Variants in GNG12 observed in about 807,000 individuals in gnomAD.
GNG12 encodes the protein guanine nucleotide-binding protein G(I)/G(S)/G(O) subunit gamma-12.
For synonymous variants in GNG12, 28 were observed against 29.7 expected, an observed-to-expected ratio of 0.94 and a Z score of 0.19; for missense variants, 69 against 83.8, an observed-to-expected ratio of 0.82 and a Z score of 0.69.
At chr1:67,777,410 C>G in intron 2 of GNG12, 48 bp downstream of exon 2, 1 of 461,220 alleles carries the variant, frequency 2.2e-6, no homozygotes, top group Non-Finnish European at 2.8e-6. Flanking sequence ...AATATCATCT[C>G]AAAAATAAAG....
chr1:67,746,024 T>A (rs931405878), intron 2 of GNG12, among the ~76,000 whole-genome samples: 1 of 152,200 alleles, frequency 6.6e-6, no homozygotes, highest in Non-Finnish European at 1.5e-5. Context: ...TACCTAAAGA[T>A]ATTAATGAAA....
intron 1 of GNG12, among the ~76,000 whole-genome samples, chr1:67,788,407 A>G (rs896725153): frequency 2.0e-5 from 3 of 152,116 alleles, no homozygotes; most frequent in Non-Finnish European, 2.9e-5. Flanking sequence ...ATCAGGTCAC[A>G]GTTCCCTGCA....
At chr1:67,796,880 CAGG>C (rs894924670) in intron 1 of GNG12, among the ~76,000 whole-genome samples, 2 of 152,160 alleles carry the variant, frequency 1.3e-5, no homozygotes, top group Non-Finnish European at 2.9e-5. Flanking sequence ...GTTAGGGCCT[CAGG>C]AGGCTTCCAC....
chr1:67,733,354 G>T (rs1217586447), intron 2 of GNG12, among the ~76,000 whole-genome samples: 1 of 152,076 alleles, frequency 6.6e-6, no homozygotes, highest in Non-Finnish European at 1.5e-5. Context: ...CACTCTAAAG[G>T]GGTAACTATT....
At chr1:67,815,927 G>C (rs530457558) in intron 1 of GNG12, among the ~76,000 whole-genome samples, 1 of 152,280 alleles carries the variant, frequency 6.6e-6, no homozygotes, top group East Asian at 1.9e-4. Context: ...CTCCTGCCTT[G>C]ACCATGCCCT....
intron 2 of GNG12, among the ~76,000 whole-genome samples, chr1:67,747,400 G>A (rs758298505): frequency 6.6e-6 from 1 of 152,198 alleles, no homozygotes; most frequent in African/African-American, 2.4e-5. Flanking sequence ...GATTACAGGC[G>A]TGAGCCACCG....
chr1:67,824,570 A>C (rs1647001406), intron 1 of GNG12, among the ~76,000 whole-genome samples: 1 of 151,642 alleles, frequency 6.6e-6, no homozygotes, highest in African/African-American at 2.4e-5. Context: ...GAATTCTTGT[A>C]AGAAATTGTC....
intron 2 of GNG12, among the ~76,000 whole-genome samples, chr1:67,757,544 G>A (rs12121525): frequency 0.074 from 11,323 of 152,138 alleles, 449 homozygotes; most frequent in African/African-American, 0.089. Flanking sequence ...ACCAAAGACC[G>A]ACATGGCTGG....
intron 2 of GNG12, among the ~76,000 whole-genome samples, chr1:67,731,622 T>C (rs1325114589): frequency 2.6e-5 from 4 of 152,184 alleles, no homozygotes. Flanking sequence ...AGAGGCACCA[T>C]GAAGATCTGG....
chr1:67,810,041 T>C (rs865866204), intron 1 of GNG12, among the ~76,000 whole-genome samples: 1 of 152,126 alleles, frequency 6.6e-6, no homozygotes, highest in Non-Finnish European at 1.5e-5. Flanking sequence ...AGTCAGTGGG[T>C]AAATAAACTT....
chr1:67,730,133 C>T (rs1382881734), intron 2 of GNG12, among the ~76,000 whole-genome samples: 1 of 152,130 alleles, frequency 6.6e-6, no homozygotes, highest in African/African-American at 2.4e-5. Flanking sequence ...TGGCAATGAA[C>T]AACCTTTAAA....
At chr1:67,753,737 A>G (rs1386243427) in intron 2 of GNG12, among the ~76,000 whole-genome samples, 2 of 152,168 alleles carry the variant, frequency 1.3e-5, no homozygotes, top group Non-Finnish European at 2.9e-5. Context: ...TCAGTGGTGA[A>G]TAAAGATCTT....
chr1:67,709,826 A>AAATATATATATATTTGTATATATATT (rs2100670873), intron 2 of GNG12, among the ~76,000 whole-genome samples: 1 of 130,236 alleles, frequency 7.7e-6, no homozygotes, highest in Non-Finnish European at 1.6e-5. Context: ...ATATATATAT[A>AAATATATATATATTTGTATATATATT]AATATATATA....
chr1:67,798,684 G>A (rs755827260), intron 1 of GNG12, among the ~76,000 whole-genome samples: 12 of 151,966 alleles, frequency 7.9e-5, no homozygotes, highest in Middle Eastern at 3.2e-3. Flanking sequence ...GGCTGGGCAC[G>A]GTGACCCACG....
At chr1:67,830,293 C>T (rs1647035740) in intron 1 of GNG12, among the ~76,000 whole-genome samples, 1 of 152,180 alleles carries the variant, frequency 6.6e-6, no homozygotes, top group Admixed American at 6.5e-5. Flanking sequence ...GTGTGAGCCA[C>T]AGCGCCTGGC....
chr1:67,825,802 C>A (rs1239182651), intron 1 of GNG12, among the ~76,000 whole-genome samples: 1 of 152,194 alleles, frequency 6.6e-6, no homozygotes, highest in Admixed American at 6.5e-5. Flanking sequence ...CTGCACCAGG[C>A]CAACTACACA....
chr1:67,747,399 C>T (rs1350094847), intron 2 of GNG12, among the ~76,000 whole-genome samples: 6 of 152,196 alleles, frequency 3.9e-5, no homozygotes, highest in Admixed American at 6.5e-5. Flanking sequence ...GGATTACAGG[C>T]GTGAGCCACC....
At chr1:67,710,037 G>T in intron 2 of GNG12, among the ~76,000 whole-genome samples, 12 of 31,232 alleles carry the variant, frequency 3.8e-4, no homozygotes, top group South Asian at 1.1e-3. Context: ...TATATATATA[G>T]TTATATATAT....
At chr1:67,803,699 A>G (rs556320657) in intron 1 of GNG12, among the ~76,000 whole-genome samples, 1 of 152,346 alleles carries the variant, frequency 6.6e-6, no homozygotes, top group East Asian at 1.9e-4. Flanking sequence ...TAGAAAATGT[A>G]GATAGCATAT....
Sources: gnomAD v4.1 joint callset for allele counts (sites outside exome capture counted in the v4.1 genomes callset) on GRCh38, gnomAD v4.1.1 for gene constraint, MANE v1.5 for transcripts, NCBI Gene and HGNC (gene_info 2026-07-23, HGNC 2026-07-21) for gene names.